Variants in FNDC3B observed in about 807,000 individuals in gnomAD.
FNDC3B encodes fibronectin type III domain containing 3B.
In FNDC3B, 12 loss-of-function variants were observed where a neutral mutation model predicts 151.5. The ratio of observed to expected loss-of-function variants is 0.08; its 90% CI spans 0.05 to 0.13. FNDC3B has a LOEUF of 0.13. Among genes scored for constraint, FNDC3B ranks in the 10% least tolerant of loss-of-function variants. The pLI is 1.00. For synonymous variants in FNDC3B, 528 were observed against 549.0 expected, an observed-to-expected ratio of 0.96 and a Z score of 0.54; for missense variants, 1,214 against 1,505.3, an observed-to-expected ratio of 0.81 and a Z score of 3.20.
intron 3 of FNDC3B, among the ~76,000 whole-genome samples, chr3:172,206,659 CAAAAAAAAAAAA>C (rs57377409): frequency 1.8e-5 from 1 of 54,480 alleles, no homozygotes; most frequent in Non-Finnish European, 3.2e-5. Context: ...AACTCCATCT[CAAAAAAAAAAAA>C]AAAAAAAAAA....
intron 23 of FNDC3B, among the ~76,000 whole-genome samples, chr3:172,375,682 C>T (rs1038887041): frequency 7.9e-5 from 12 of 152,280 alleles, no homozygotes; most frequent in East Asian, 3.9e-4. Flanking sequence ...ATCAGAGCAA[C>T]GAGCAGATCA....
intron 1 of FNDC3B, among the ~76,000 whole-genome samples, chr3:172,060,652 C>T (rs569105956): frequency 6.6e-6 from 1 of 152,284 alleles, no homozygotes; most frequent in South Asian, 2.1e-4. Flanking sequence ...GACTTTCCCA[C>T]TAAAATCTAA....
intron 24 of FNDC3B, 91 bp from the exon 25 acceptor site, chr3:172,380,875 T>G: frequency 7.0e-7 from 1 of 1,426,392 alleles, no homozygotes. Context: ...ACAATCTTGC[T>G]CTCTCTGGGT....
rs530056443 is a variant in FNDC3B, at chr3:172,352,196, A to T, written c.2515-607A>T. Among the ~76,000 whole-genome samples, 5 of 152,294 alleles carry T rather than the reference A, an allele frequency of 3.3e-5. No individual in the cohort carries two copies. Among genetic ancestry groups the T allele is most frequent in the African/African-American group, 9.6e-5 (4 of 41,562 alleles). On this transcript the variant is annotated intron_variant, in intron 21 of 25. Coordinates refer to ENST00000415807, the MANE Select transcript of FNDC3B (RefSeq NM_022763.4). The surrounding 1 kb of genome is among the most constrained non-coding windows in gnomAD (Gnocchi z 4.2). ...GAGAAATAAGTGTGGCATCTTGGAG[A>T]CCTAGTGATGAATAAGCATTTGAAA...
chr3:172,333,894 C>G (rs1014525961), intron 14 of FNDC3B, among the ~76,000 whole-genome samples: 1 of 152,206 alleles, frequency 6.6e-6, no homozygotes, highest in Non-Finnish European at 1.5e-5. Context: ...ATGACCCACC[C>G]CCTCCCTACC....
intron 8 of FNDC3B, among the ~76,000 whole-genome samples, chr3:172,296,888 CTGTGG>C (rs1730641237): frequency 1.3e-5 from 2 of 151,922 alleles, no homozygotes; most frequent in South Asian, 4.3e-4. Flanking sequence ...TGTATACGCT[CTGTGG>C]GGGTGGGGTC....
intron 2 of FNDC3B, among the ~76,000 whole-genome samples, chr3:172,125,853 G>A (rs938544160): frequency 1.3e-5 from 2 of 152,090 alleles, no homozygotes; most frequent in Non-Finnish European, 2.9e-5. Context: ...ATACCGTACC[G>A]GGTTGCTCAT....
At chr3:172,329,228 G>A (rs1339833492) in intron 12 of FNDC3B, 152 bp downstream of exon 12, 6 of 898,470 alleles carry the variant, frequency 6.7e-6, no homozygotes, top group Non-Finnish European at 1.0e-5. Flanking sequence ...GAGGAGAGAA[G>A]GCCTCCTTTA....
intron 2 of FNDC3B, among the ~76,000 whole-genome samples, chr3:172,127,810 C>T (rs1267944941): frequency 6.6e-6 from 1 of 152,130 alleles, no homozygotes; most frequent in Non-Finnish European, 1.5e-5. Flanking sequence ...AGACTACAGG[C>T]ACCCACCATT....
At chr3:172,054,770 C>G (rs1716831276) in intron 1 of FNDC3B, among the ~76,000 whole-genome samples, 1 of 152,108 alleles carries the variant, frequency 6.6e-6, no homozygotes, top group African/African-American at 2.4e-5. Context: ...TGCTGGCTGC[C>G]CACCTGACCC....
chr3:172,380,896 A>T (rs556814022), intron 24 of FNDC3B, 70 bp from the exon 25 acceptor site: 2 of 1,544,998 alleles, frequency 1.3e-6, no homozygotes, highest in East Asian at 2.3e-5. Context: ...TCTCACTAAT[A>T]GTGCTAAAGT....
chr3:172,204,235 C>A (rs1465838294), intron 3 of FNDC3B, among the ~76,000 whole-genome samples: 2 of 152,148 alleles, frequency 1.3e-5, no homozygotes, highest in African/African-American at 4.8e-5. Flanking sequence ...TCCATAGTCT[C>A]ATCAGACCTT....
intron 3 of FNDC3B, among the ~76,000 whole-genome samples, chr3:172,166,107 G>C (rs988714286): frequency 6.6e-6 from 1 of 152,082 alleles, no homozygotes; most frequent in African/African-American, 2.4e-5. Flanking sequence ...CTTTCCTATA[G>C]AGAAGAAGAG....
In FNDC3B at chr3:172,307,402, C is replaced by T. The variant is rs145255541; in HGVS notation, c.1101C>T (p.Ser367=). The T allele has an allele frequency of 1.1e-4, 184 of 1,613,968 alleles. No individual in the cohort carries two copies. The highest frequency in any genetic ancestry group is 1.5e-4 in the Non-Finnish European group (173 of 1,179,982). The change falls in exon 10 of 26, where the codon TCC becomes TCT. Residue 367 remains serine, a synonymous_variant. Coordinates refer to ENST00000415807, the MANE Select transcript of FNDC3B (RefSeq NM_022763.4). ...ACAATTCCGTAAAGGGATCCTGCTC[C>T]GAGCCTGTTAGCTTCACCACCCACA... The part of the protein sequence containing the change: ...AMYNSVKGSC[S]EPVSFTTHSC...
At chr3:172,207,320 G>T (rs553745465) in intron 3 of FNDC3B, among the ~76,000 whole-genome samples, 1 of 152,172 alleles carries the variant, frequency 6.6e-6, no homozygotes, top group African/African-American at 2.4e-5. Context: ...TATATTATTA[G>T]CACTTTCTCC....
At chr3:172,050,471 T>A (rs908161465) in intron 1 of FNDC3B, among the ~76,000 whole-genome samples, 3 of 151,812 alleles carry the variant, frequency 2.0e-5, no homozygotes, top group Non-Finnish European at 4.4e-5. Context: ...GCAACCTCCG[T>A]CTCCTGGGTT....
chr3:172,375,751 C>T (rs758363827), intron 23 of FNDC3B, among the ~76,000 whole-genome samples: 3 of 152,112 alleles, frequency 2.0e-5, no homozygotes, highest in African/African-American at 2.4e-5. Context: ...TAGACGCATG[C>T]TTATTCTAGA....
chr3:172,362,415 G>A (rs945209871), intron 22 of FNDC3B, among the ~76,000 whole-genome samples: 16 of 132,274 alleles, frequency 1.2e-4, no homozygotes, highest in African/African-American at 3.5e-4. Flanking sequence ...TCTTGCTACC[G>A]TGCTTTTTTG....
At chr3:172,270,024 T>G (rs1729122277) in intron 6 of FNDC3B, among the ~76,000 whole-genome samples, 2 of 152,354 alleles carry the variant, frequency 1.3e-5, no homozygotes, top group Admixed American at 6.5e-5. Context: ...TCCTAGATAT[T>G]AATACTGTAT....
Sources: allele counts gnomAD v4.1 joint callset (sites outside exome capture counted in the v4.1 genomes callset), GRCh38; gene constraint gnomAD v4.1.1; non-coding constraint Gnocchi (gnomAD v3.1); transcripts MANE v1.5; gene names NCBI Gene and HGNC (gene_info 2026-07-23, HGNC 2026-07-21).